Variants in SAMTOR observed in about 807,000 individuals in gnomAD.
SAMTOR encodes the protein UPF0532 protein C7orf60.
At chr7:112,845,253 A>C in the SAMTOR span, among the ~76,000 whole-genome samples, 1 of 152,328 alleles carries the variant, frequency 6.6e-6, no homozygotes, top group Middle Eastern at 3.4e-3. Context: ...GATCTAATTA[A>C]ACTTAAAAGC....
At chr7:112,878,147 TACTC>T in the SAMTOR span, among the ~76,000 whole-genome samples, 4 of 152,202 alleles carry the variant, frequency 2.6e-5, no homozygotes, top group African/African-American at 9.6e-5. Flanking sequence ...CAAACACAAT[TACTC>T]AAGAGTTTAG....
At chr7:112,860,520 T>C in the SAMTOR span, among the ~76,000 whole-genome samples, 2 of 152,186 alleles carry the variant, frequency 1.3e-5, no homozygotes, top group East Asian at 3.8e-4. Context: ...CAGTGAATTA[T>C]TGACTTAATT....
chr7:112,824,960 C>G, the SAMTOR span, among the ~76,000 whole-genome samples: 2 of 152,028 alleles, frequency 1.3e-5, no homozygotes, highest in African/African-American at 4.8e-5. Flanking sequence ...TTTGAATTTC[C>G]ACACAGATTT....
chr7:112,869,903 G>T, the SAMTOR span, among the ~76,000 whole-genome samples: 9 of 152,182 alleles, frequency 5.9e-5, no homozygotes, highest in African/African-American at 1.9e-4. Context: ...ATTCACTAGA[G>T]GAATTTCAAA....
the SAMTOR span, among the ~76,000 whole-genome samples, chr7:112,878,745 TTA>T: frequency 3.3e-5 from 5 of 152,144 alleles, no homozygotes; most frequent in Non-Finnish European, 7.3e-5. Context: ...GGAGGCATAT[TTA>T]TGTTATATTA....
chr7:112,905,842 T>A, the SAMTOR span, among the ~76,000 whole-genome samples: 875 of 152,114 alleles, frequency 5.8e-3, 12 homozygotes, highest in African/African-American at 0.019. Flanking sequence ...ATACACCACA[T>A]ACATTACTGC....
chr7:112,850,355 G>C, the SAMTOR span, among the ~76,000 whole-genome samples: 28 of 152,264 alleles, frequency 1.8e-4, no homozygotes, highest in East Asian at 4.6e-3. Flanking sequence ...ATACTGGCCT[G>C]CAGTCTTTTT....
chr7:112,934,005 T>C, the SAMTOR span, among the ~76,000 whole-genome samples: 1 of 152,306 alleles, frequency 6.6e-6, no homozygotes, highest in African/African-American at 2.4e-5. Flanking sequence ...AAATCAATAT[T>C]TTCTTAAGAA....
the SAMTOR span, chr7:112,819,705 TCAACA>T: frequency 6.6e-6 from 1 of 152,532 alleles, no homozygotes; most frequent in Non-Finnish European, 1.5e-5. Context: ...ATAAGCAGAA[TCAACA>T]TCTGTAAACA....
the SAMTOR span, chr7:112,895,856 T>C: frequency 3.2e-6 from 2 of 628,694 alleles, no homozygotes; most frequent in Non-Finnish European, 4.8e-6. Flanking sequence ...ATTTCTGCTT[T>C]GAAAATGTCA....
chr7:112,862,092 C>G, the SAMTOR span, among the ~76,000 whole-genome samples: 2 of 151,870 alleles, frequency 1.3e-5, no homozygotes, highest in Non-Finnish European at 2.9e-5. Context: ...CCTGTCTCTA[C>G]AAAAAATAAA....
At chr7:112,931,346 A>C in the SAMTOR span, among the ~76,000 whole-genome samples, 1 of 138,652 alleles carries the variant, frequency 7.2e-6, no homozygotes, top group East Asian at 1.9e-4. Context: ...GCATGGATTA[A>C]ACTTAATATC....
chr7:112,922,296 C>T, the SAMTOR span, among the ~76,000 whole-genome samples: 1,634 of 152,270 alleles, frequency 0.011, 31 homozygotes, highest in African/African-American at 0.037. Context: ...GGCATGATCT[C>T]GGCTTGCTAC....
At chr7:112,890,566 TAG>T in the SAMTOR span, among the ~76,000 whole-genome samples, 1 of 151,786 alleles carries the variant, frequency 6.6e-6, no homozygotes, top group Non-Finnish European at 1.5e-5. Context: ...GGAAAAAAAG[TAG>T]TAAATGGACT....
the SAMTOR span, among the ~76,000 whole-genome samples, chr7:112,872,969 A>C: frequency 1.3e-5 from 2 of 151,040 alleles, no homozygotes; most frequent in South Asian, 2.1e-4. Context: ...CCACACACCC[A>C]CACACACACA....
the SAMTOR span, among the ~76,000 whole-genome samples, chr7:112,903,309 T>C: frequency 1.4e-5 from 2 of 140,428 alleles, no homozygotes; most frequent in African/African-American, 5.3e-5. Context: ...CGAAACTGTC[T>C]CAAAACAAAA....
At chr7:112,907,589 C>A in the SAMTOR span, among the ~76,000 whole-genome samples, 1 of 146,552 alleles carries the variant, frequency 6.8e-6, no homozygotes, top group African/African-American at 2.5e-5. Context: ...TAAAGAGCTC[C>A]AAAAAAATCA....
the SAMTOR span, among the ~76,000 whole-genome samples, chr7:112,919,805 A>C: frequency 5.6e-4 from 85 of 152,328 alleles, no homozygotes; most frequent in African/African-American, 1.9e-3. Context: ...CTACCATGAG[A>C]GAATACTACA....
At chr7:112,822,224 A>G in the SAMTOR span, 50 of 1,613,730 alleles carry the variant, frequency 3.1e-5, no homozygotes, top group Middle Eastern at 1.7e-4. Context: ...AATAAGAAAG[A>G]AGGAGAGAGA....
Sources: gnomAD v4.1 joint callset for allele counts (sites outside exome capture counted in the v4.1 genomes callset) on GRCh38, gnomAD v4.1.1 for gene constraint, MANE v1.5 for transcripts, NCBI Gene and HGNC (gene_info 2026-07-23, HGNC 2026-07-21) for gene names.